CLNK: variants seen among roughly 807,000 people sequenced by gnomAD.
The protein encoded by CLNK is cytokine dependent hematopoietic cell linker.
In CLNK, 74 loss-of-function variants were observed where a neutral mutation model predicts 68.6. The ratio of observed to expected loss-of-function variants is 1.08; its 90% CI spans 0.89 to 1.31. The LOEUF is 1.31. Among genes scored for constraint, CLNK ranks in the 50% most tolerant of loss-of-function variants. CLNK has a pLI of 0.00. For missense variants in CLNK, 553 were observed against 515.3 expected (o/e 1.07, Z -0.71); for synonymous variants, 198 against 172.2 (o/e 1.15, Z -1.17).
At chr4:10,654,410 C>G (rs1414526694) in intron 2 of CLNK, among the ~76,000 whole-genome samples, 1 of 65,866 alleles carries the variant, frequency 1.5e-5, no homozygotes, top group Non-Finnish European at 4.3e-5. Context: ...TATAGAAAGT[C>G]TCTTGGCAAC....
At chr4:10,677,594 A>G (rs1393873677) in intron 1 of CLNK, among the ~76,000 whole-genome samples, 1 of 151,954 alleles carries the variant, frequency 6.6e-6, no homozygotes, top group East Asian at 1.9e-4. Context: ...TTCTTGTGAT[A>G]GTGGGTGAGT....
rs147377915 is a variant in CLNK at position 10,533,415 on chromosome 4, A to G, written c.603-1132T>C. ...CTGTCAGTGAAAACACTGGATCTGA[A>G]GAATATGGGAGTATTAAGTGTGCAA... On this transcript the variant is annotated intron_variant, in intron 11 of 18. Transcript: ENST00000226951. Among the ~76,000 whole-genome samples, 232 of 152,324 alleles carry G rather than the reference A, an allele frequency of 1.5e-3. 2 individuals are homozygous for G. Among genetic ancestry groups the G allele is most frequent in the Admixed American group, 0.014 (221 of 15,296 alleles).
chr4:10,731,440 T>C, the CLNK span, among the ~76,000 whole-genome samples: 1 of 152,188 alleles, frequency 6.6e-6, no homozygotes, highest in Non-Finnish European at 1.5e-5. Flanking sequence ...TAGCCACATC[T>C]TTTGTTCCTT....
In CLNK at chr4:10,558,695, C is replaced by T. The variant is rs530914176; in HGVS notation, c.400-243G>A. Reference sequence around the variant, plus strand: ...ACGTGGGATTGAGAACCAATCCTGCCTCTATTGCTGGCTTTGGAAAAGACA... The same window carrying T: ...ACGTGGGATTGAGAACCAATCCTGCTTCTATTGCTGGCTTTGGAAAAGACA... On this transcript the variant is annotated intron_variant, in intron 7 of 18. Coordinates refer to ENST00000226951, the MANE Select transcript of CLNK (RefSeq NM_052964.4). 2.0e-5 allele frequency among the ~76,000 whole-genome samples: 3 copies of T among 152,256 alleles called. No individual in the cohort carries two copies. The East Asian group carries it at 5.8e-4, about 29-fold the overall frequency.
In CLNK at chr4:10,486,456, A is replaced by G. The variant is rs891528939; in HGVS notation, c.*4011T>C. 4 of 152,220 alleles carry G rather than the reference A, an allele frequency of 2.6e-5. No individual in the cohort carries two copies. The highest frequency in any genetic ancestry group is 2.1e-4 in the South Asian group (1 of 4,830). The allele number at this position is 152,220 out of a possible 1,614,324, so 9.4% of individuals were successfully genotyped here. ...GTAAGGCTGTAAATTATGAATGTAA[A>G]TGTGCTTAGCTAGAACAAATATTGC... On this transcript the variant is annotated 3_prime_UTR_variant, in exon 19 of 19. Transcript: ENST00000226951.
At chr4:10,632,070 G>A (rs902445863) in intron 2 of CLNK, among the ~76,000 whole-genome samples, 1 of 152,210 alleles carries the variant, frequency 6.6e-6, no homozygotes, top group Non-Finnish European at 1.5e-5. Context: ...CTAATTGGAT[G>A]ACTGATAAGC....
rs189688406 is a variant in CLNK at position 10,535,504 on chromosome 4, G to A, written c.603-3221C>T. Among the ~76,000 whole-genome samples the A allele has an allele frequency of 7.9e-5, 12 of 152,244 alleles. No homozygotes were observed. In the East Asian group the frequency reaches 1.5e-3, roughly 20 times the overall value. ...ATTAATACATATAAGATCCCAAACC[G>A]GGCCTGGTGTGTAGTTACGACTCAG... On this transcript the variant is annotated intron_variant, in intron 11 of 18. Transcript: ENST00000226951.
intron 2 of CLNK, among the ~76,000 whole-genome samples, chr4:10,648,957 C>T (rs532889518): frequency 6.6e-6 from 1 of 152,088 alleles, no homozygotes; most frequent in Non-Finnish European, 1.5e-5. Context: ...CCCTTGAATC[C>T]TTTATCTCTG....
At chr4:10,580,271 T>A (rs1172069224) in intron 4 of CLNK, among the ~76,000 whole-genome samples, 1 of 152,216 alleles carries the variant, frequency 6.6e-6, no homozygotes, top group African/African-American at 2.4e-5. Context: ...GTGCTGCCAG[T>A]CATATGAAAG....
intron 2 of CLNK, among the ~76,000 whole-genome samples, chr4:10,598,965 C>A (rs1721484771): frequency 6.6e-6 from 1 of 152,192 alleles, no homozygotes. Context: ...CCCTCTTTAT[C>A]AGATGCCCTT....
intron 18 of CLNK, among the ~76,000 whole-genome samples, chr4:10,495,381 C>T (rs1406659049): frequency 6.6e-6 from 1 of 152,182 alleles, no homozygotes; most frequent in Non-Finnish European, 1.5e-5. Flanking sequence ...TTCTACCAAT[C>T]TCATTCTTGC....
intron 2 of CLNK, among the ~76,000 whole-genome samples, chr4:10,652,625 A>G (rs1355861009): frequency 6.6e-6 from 1 of 152,196 alleles, no homozygotes; most frequent in Non-Finnish European, 1.5e-5. Context: ...ATTACAACAT[A>G]AAAATTAGTT....
intron 1 of CLNK, 133 bp downstream of exon 1, chr4:10,684,535 G>GCT (rs1328495076): frequency 1.3e-5 from 2 of 152,184 alleles, no homozygotes; most frequent in African/African-American, 2.4e-5. Context: ...CTCCTTTGAT[G>GCT]CTATATATAA....
rs763545153 is a variant in CLNK at position 10,507,932 on chromosome 4, A to G, written c.984+27T>C. ...ACCTTAAGATGCCTATAGAAACAATAATGATGGGCCACGTAGAAGGCATTA... is the reference window on the plus strand; with the variant it reads ...ACCTTAAGATGCCTATAGAAACAATGATGATGGGCCACGTAGAAGGCATTA... On this transcript the variant is annotated intron_variant, in intron 17 of 18. Coordinates refer to ENST00000226951, the MANE Select transcript of CLNK (RefSeq NM_052964.4). 2.6e-6 allele frequency: 4 copies of G among 1,553,672 alleles called. No individual in the cohort carries two copies. In the South Asian group the frequency reaches 3.5e-5, roughly 14 times the overall value.
At chr4:10,622,470 C>A (rs916573554) in intron 2 of CLNK, among the ~76,000 whole-genome samples, 8 of 152,172 alleles carry the variant, frequency 5.3e-5, no homozygotes, top group African/African-American at 1.9e-4. Context: ...TGGCTAACTG[C>A]AATAACAGGC....
At position 10,667,898 on chromosome 4, in the gene CLNK, A is replaced by C. The variant is rs13136927; in HGVS notation, c.-29T>G. 775,983 of 1,495,280 alleles carry C rather than the reference A, an allele frequency of 0.52. 214,861 individuals carry two copies. The highest frequency in any genetic ancestry group is 0.55 in the Non-Finnish European group (607,724 of 1,105,628). The allele number at this position is 1,495,280 out of a possible 1,614,324, so 92.6% of individuals were successfully genotyped here. A position where few individuals can be genotyped will look rare whatever the true frequency, so the allele number is the denominator to read the frequency against. On this transcript the variant is annotated 5_prime_UTR_variant, in exon 2 of 19. Transcript: ENST00000226951. ...TCTTGGCACCTGGCGGGTAAGAGGG[A>C]TCTTCAATTCAGCCTGTGGAAACAA...
chr4:10,498,816 T>C (rs1024579659), intron 18 of CLNK, among the ~76,000 whole-genome samples: 2 of 152,228 alleles, frequency 1.3e-5, no homozygotes, highest in Admixed American at 6.5e-5. Flanking sequence ...TTAATGTGGT[T>C]GTACCTGGTA....
the CLNK span, among the ~76,000 whole-genome samples, chr4:10,730,533 C>T: frequency 6.6e-6 from 1 of 152,138 alleles, no homozygotes; most frequent in Admixed American, 6.5e-5. Context: ...CCAAATTTCC[C>T]TTTCCCCTAC....
intron 15 of CLNK, among the ~76,000 whole-genome samples, chr4:10,514,090 T>C (rs1717728029): frequency 1.4e-5 from 2 of 138,954 alleles, no homozygotes; most frequent in South Asian, 4.8e-4. Context: ...TTCCCACCTA[T>C]GAGTGAGAAT....
Sources: gnomAD v4.1 joint callset for allele counts (sites outside exome capture counted in the v4.1 genomes callset) on GRCh38, gnomAD v4.1.1 for gene constraint, MANE v1.5 for transcripts, NCBI Gene and HGNC (gene_info 2026-07-23, HGNC 2026-07-21) for gene names.